Variants in SAMD12 observed in about 807,000 individuals in gnomAD.
SAMD12 encodes the protein sterile alpha motif domain-containing protein 12.
A neutral mutation model predicts 15.0 loss-of-function variants in SAMD12; 9 were observed. That is an observed-to-expected ratio of 0.60 (90% CI 0.36 to 1.05). The LOEUF is 1.05. Ranked by LOEUF, SAMD12 falls within the 50% of genes least tolerant of loss-of-function variation. The pLI is 0.01. For synonymous variants in SAMD12, 86 were observed against 90.1 expected (o/e 0.96, Z 0.25); for missense variants, 230 against 234.2 (o/e 0.98, Z 0.12).
intron 2 of SAMD12, among the ~76,000 whole-genome samples, chr8:118,478,000 C>G (rs1300272500): frequency 2.4e-5 from 3 of 122,752 alleles, no homozygotes; most frequent in African/African-American, 6.1e-5. Flanking sequence ...GGTGACAGAG[C>G]GAGACCCTGT....
At position 118,568,030 on chromosome 8, in the gene SAMD12, GGAT is replaced by G. The variant is rs533951999; in HGVS notation, c.192+12682_192+12684del. On this transcript the variant is annotated intron_variant, in intron 2 of 3. Coordinates refer to ENST00000314727, the MANE Select transcript of SAMD12 (RefSeq NM_207506.3). ...TGCCTCACAGAGTTCACACTCTAGT[GGAT>G]GATGACCTAAAATAATAATAAACAT... is the stretch of plus-strand genomic sequence containing the variant. 4.2e-3 allele frequency among the ~76,000 whole-genome samples: 647 copies of G among 152,284 alleles called. 3 individuals carry two copies. The highest frequency in any genetic ancestry group is 0.014 in the African/African-American group (567 of 41,558).
chr8:118,444,911 G>T (rs933709907), intron 2 of SAMD12, among the ~76,000 whole-genome samples: 1 of 152,200 alleles, frequency 6.6e-6, no homozygotes, highest in South Asian at 2.1e-4. Flanking sequence ...GGTGAGCCCA[G>T]TTGGTTGATT....
At chr8:118,158,987 A>T in the SAMD12 span, among the ~76,000 whole-genome samples, 1 of 152,078 alleles carries the variant, frequency 6.6e-6, no homozygotes, top group Admixed American at 6.5e-5. Context: ...CTCTTCCTGA[A>T]TGCGGGACAA....
intron 2 of SAMD12, among the ~76,000 whole-genome samples, chr8:118,570,275 G>A (rs914414498): frequency 2.6e-5 from 4 of 151,650 alleles, no homozygotes; most frequent in Admixed American, 6.6e-5. Context: ...ACTTGTGTCA[G>A]GGGGCTTATT....
chr8:118,547,389 C>T (rs1326108320), intron 2 of SAMD12, among the ~76,000 whole-genome samples: 2 of 152,024 alleles, frequency 1.3e-5, no homozygotes, highest in African/African-American at 4.8e-5. Flanking sequence ...CTCTGTTATC[C>T]CCAGCCTGGT....
At chr8:118,230,938 A>G (rs2451178) in intron 4 of SAMD12, among the ~76,000 whole-genome samples, 151,820 of 152,196 alleles carry the variant, frequency 1, 75,727 homozygotes, top group Middle Eastern at 1. Context: ...TTTTAAGCAG[A>G]GAAGTGATGA....
chr8:118,219,084 C>T (rs1812027023), intron 4 of SAMD12, among the ~76,000 whole-genome samples: 1 of 152,230 alleles, frequency 6.6e-6, no homozygotes, highest in Non-Finnish European at 1.5e-5. Context: ...CTGCCCCCAA[C>T]ATCCTTTCTA....
At chr8:118,501,031 T>C (rs1824768213) in intron 2 of SAMD12, among the ~76,000 whole-genome samples, 1 of 152,102 alleles carries the variant, frequency 6.6e-6, no homozygotes, top group South Asian at 2.1e-4. Flanking sequence ...AGATGTGGAA[T>C]GGGGGGAATG....
intron 4 of SAMD12, among the ~76,000 whole-genome samples, chr8:118,305,009 T>A (rs1015241434): frequency 7.0e-6 from 1 of 143,140 alleles, no homozygotes; most frequent in East Asian, 2.1e-4. Context: ...ATTAGACAGG[T>A]GTGGTGGTGG....
intron 4 of SAMD12, among the ~76,000 whole-genome samples, chr8:118,337,321 T>G (rs1239104487): frequency 2.6e-5 from 4 of 152,182 alleles, no homozygotes; most frequent in Non-Finnish European, 5.9e-5. Flanking sequence ...TGCACATCAC[T>G]GTCCCTGTAC....
In SAMD12 at chr8:118,378,915, T is replaced by C; in HGVS notation, c.*502A>G. On this transcript the variant is annotated 3_prime_UTR_variant, in exon 4 of 4. Coordinates refer to ENST00000314727, the MANE Select transcript of SAMD12 (RefSeq NM_207506.3). ...TTTATAATTCCTGTTAAGAATTATATACTCTTAACAGTGTAGTTTTAGATT... is the reference window on the plus strand; with the variant it reads ...TTTATAATTCCTGTTAAGAATTATACACTCTTAACAGTGTAGTTTTAGATT... The C allele has an allele frequency of 1.1e-6, 1 of 930,898 alleles. No homozygotes were observed. Among genetic ancestry groups the C allele is most frequent in the Non-Finnish European group, 1.3e-6 (1 of 779,860 alleles). 57.7% of individuals were successfully genotyped at this position (930,898 alleles called of 1,614,324 possible). A position where few individuals can be genotyped will look rare whatever the true frequency, so the allele number is the denominator to read the frequency against.
chr8:118,336,084 A>G (rs6993964), intron 4 of SAMD12, among the ~76,000 whole-genome samples: 71,035 of 151,958 alleles, frequency 0.47, 18,334 homozygotes, highest in African/African-American at 0.71. Context: ...CTTCCATGCT[A>G]CAAATTAGTT....
intron 4 of SAMD12, among the ~76,000 whole-genome samples, chr8:118,359,095 C>T (rs1466076091): frequency 5.9e-5 from 9 of 151,422 alleles, no homozygotes; most frequent in African/African-American, 2.4e-5. Context: ...TATTCCCTGC[C>T]CCCCCAATTA....
intron 4 of SAMD12, among the ~76,000 whole-genome samples, chr8:118,340,155 A>G (rs562586853): frequency 1.3e-5 from 2 of 152,362 alleles, no homozygotes; most frequent in South Asian, 4.1e-4. Flanking sequence ...CTGTATTGCC[A>G]TGGAATAAAT....
chr8:118,496,255 G>A (rs943206151), intron 2 of SAMD12, among the ~76,000 whole-genome samples: 2 of 151,966 alleles, frequency 1.3e-5, no homozygotes, highest in African/African-American at 4.8e-5. Context: ...AATGGCCTAA[G>A]TAGATAAAGC....
chr8:118,177,322 C>T, the SAMD12 span, among the ~76,000 whole-genome samples: 1 of 151,838 alleles, frequency 6.6e-6, no homozygotes, highest in African/African-American at 2.4e-5. Context: ...CTCACTGCAG[C>T]CTCTACCTCC....
intron 4 of SAMD12, among the ~76,000 whole-genome samples, chr8:118,272,045 C>A (rs1813367139): frequency 6.6e-6 from 1 of 152,228 alleles, no homozygotes; most frequent in African/African-American, 2.4e-5. Flanking sequence ...TGTGTGGGGG[C>A]TCCGATCCCA....
intron 4 of SAMD12, among the ~76,000 whole-genome samples, chr8:118,315,640 T>C (rs1420516494): frequency 6.6e-6 from 1 of 152,144 alleles, no homozygotes; most frequent in Non-Finnish European, 1.5e-5. Flanking sequence ...AAAATAGTTA[T>C]TTTGGAATAA....
At chr8:118,252,872 A>T (rs1812851877) in intron 4 of SAMD12, among the ~76,000 whole-genome samples, 1 of 152,134 alleles carries the variant, frequency 6.6e-6, no homozygotes. Context: ...TATCCTTTGT[A>T]AGAACCTGGC....
Sources: allele counts gnomAD v4.1 joint callset (sites outside exome capture counted in the v4.1 genomes callset), GRCh38; gene constraint gnomAD v4.1.1; transcripts MANE v1.5; gene names NCBI Gene and HGNC (gene_info 2026-07-23, HGNC 2026-07-21).